Variants in SPIDR observed in about 807,000 individuals in gnomAD.
SPIDR encodes scaffold protein involved in DNA repair.
In SPIDR, 93 loss-of-function variants were observed where a neutral mutation model predicts 104.6. The ratio of observed to expected loss-of-function variants is 0.89; its 90% confidence interval spans 0.75 to 1.06. The LOEUF is 1.06. Ranked by LOEUF, SPIDR falls within the 50% of genes least tolerant of loss-of-function variation. SPIDR has a pLI of 0.00. For synonymous variants in SPIDR, 431 were observed against 416.9 expected, an observed-to-expected ratio of 1.03 and a Z score of -0.41; for missense variants, 1,154 against 1,111.2, an observed-to-expected ratio of 1.04 and a Z score of -0.55.
intron 5 of SPIDR, among the ~76,000 whole-genome samples, chr8:47,304,438 G>A (rs2042777277): frequency 6.6e-6 from 1 of 152,116 alleles, no homozygotes; most frequent in Non-Finnish European, 1.5e-5. Context: ...AGGCCAAGAT[G>A]GGAGGATCAG....
intron 11 of SPIDR, among the ~76,000 whole-genome samples, chr8:47,675,824 A>G (rs1373321838): frequency 6.6e-6 from 1 of 152,208 alleles, no homozygotes; most frequent in African/African-American, 2.4e-5. Context: ...AAAAGAAAAG[A>G]ATATTCATTG....
Position 47,322,493 on chromosome 8 carries a change from C to G in SPIDR, c.525+28463C>G, listed in dbSNP as rs550395150. ...GAACACTTTTACACCGTTGGTGGGA[C>G]TGTAAACTAGTTCAACTATTGTGGA... On this transcript the variant is annotated intron_variant, in intron 5 of 19. Transcript: ENST00000297423. 3.7e-4 allele frequency among the ~76,000 whole-genome samples: 56 copies of G among 152,280 alleles called. 1 individual carries two copies. The highest frequency in any genetic ancestry group is 2.4e-3 in the Admixed American group (37 of 15,298).
intron 11 of SPIDR, among the ~76,000 whole-genome samples, chr8:47,676,484 C>T (rs2076462981): frequency 6.6e-6 from 1 of 151,184 alleles, no homozygotes; most frequent in Non-Finnish European, 1.5e-5. Flanking sequence ...GTGACATCAT[C>T]CATCCATGGC....
Position 47,495,130 on chromosome 8 carries a change from T to A in SPIDR, c.1097+54588T>A, listed in dbSNP as rs528450636. 3.3e-5 allele frequency among the ~76,000 whole-genome samples: 5 copies of A among 152,286 alleles called. No individual in the cohort carries two copies. The South Asian group carries it at 1.0e-3, about 32-fold the overall frequency. On this transcript the variant is annotated intron_variant, in intron 8 of 19. Coordinates refer to ENST00000297423, the MANE Select transcript of SPIDR (RefSeq NM_001080394.4). ...GCATAGACCAAGAATCTGATTGAAA[T>A]AACATGGCAACAATATTGCCACCAA...
intron 5 of SPIDR, among the ~76,000 whole-genome samples, chr8:47,390,438 T>C (rs2060450491): frequency 1.3e-5 from 2 of 151,924 alleles, no homozygotes; most frequent in South Asian, 4.1e-4. Context: ...ATTAATGATC[T>C]ACAGCTGCTG....
At chr8:47,329,636 T>C (rs1554603235) in intron 5 of SPIDR, among the ~76,000 whole-genome samples, 1 of 152,232 alleles carries the variant, frequency 6.6e-6, no homozygotes, top group Admixed American at 6.5e-5. Context: ...ACTATATGGC[T>C]CTACTTTCTC....
At chr8:47,395,008 GT>G (rs2061091235) in intron 5 of SPIDR, among the ~76,000 whole-genome samples, 1 of 152,050 alleles carries the variant, frequency 6.6e-6, no homozygotes, top group Non-Finnish European at 1.5e-5. Context: ...TACCCAAGCA[GT>G]TTTTTTGACG....
intron 8 of SPIDR, among the ~76,000 whole-genome samples, chr8:47,556,186 A>G (rs1422679060): frequency 6.6e-6 from 1 of 152,194 alleles, no homozygotes; most frequent in Admixed American, 6.5e-5. Flanking sequence ...AGTCTCAAGC[A>G]TAGAACCACA....
intron 11 of SPIDR, among the ~76,000 whole-genome samples, chr8:47,688,943 C>T (rs964105299): frequency 1.3e-5 from 2 of 152,144 alleles, no homozygotes; most frequent in African/African-American, 4.8e-5. Flanking sequence ...TCCTGATTAC[C>T]GCTGAGGCTG....
intron 4 of SPIDR, among the ~76,000 whole-genome samples, chr8:47,293,474 T>C (rs973190523): frequency 1.1e-4 from 17 of 152,102 alleles, no homozygotes; most frequent in Non-Finnish European, 2.2e-4. Flanking sequence ...TGAGACAGAG[T>C]CTCGTTCTGT....
At chr8:47,607,805 A>T (rs1273611839) in intron 10 of SPIDR, among the ~76,000 whole-genome samples, 1 of 151,964 alleles carries the variant, frequency 6.6e-6, no homozygotes, top group Non-Finnish European at 1.5e-5. Flanking sequence ...TTACTGTAAG[A>T]ATAAAGACAT....
In SPIDR at chr8:47,551,393, C is replaced by A. The variant is rs1200809682; in HGVS notation, c.1098-44418C>A. ...TGGTGGAATTTGGCTGTGAATCCAT[C>A]TGGTCCTGAACTTTTTTTGGTTGGT... On this transcript the variant is annotated intron_variant, in intron 8 of 19. Coordinates refer to ENST00000297423, the MANE Select transcript of SPIDR (RefSeq NM_001080394.4). Among the ~76,000 whole-genome samples, 11 of 152,274 alleles carry A rather than the reference C, an allele frequency of 7.2e-5. No homozygotes were observed. In the East Asian group the frequency reaches 2.1e-3, roughly 29 times the overall value.
At chr8:47,679,651 C>G (rs2154474873) in intron 11 of SPIDR, among the ~76,000 whole-genome samples, 1 of 152,350 alleles carries the variant, frequency 6.6e-6, no homozygotes, top group East Asian at 1.9e-4. Flanking sequence ...CAGTGCTGGC[C>G]TGTGCCATGT....
intron 5 of SPIDR, among the ~76,000 whole-genome samples, chr8:47,319,740 A>G (rs1563598983): frequency 6.6e-6 from 1 of 152,208 alleles, no homozygotes; most frequent in Admixed American, 6.5e-5. Context: ...AATTATAACA[A>G]ACTGTCTCTC....
intron 5 of SPIDR, among the ~76,000 whole-genome samples, chr8:47,307,887 A>G (rs2043379262): frequency 6.6e-6 from 1 of 151,974 alleles, no homozygotes. Flanking sequence ...CTTTCTCTGG[A>G]AGGTCTGCCA....
chr8:47,722,401 T>C (rs371578621), intron 16 of SPIDR, among the ~76,000 whole-genome samples: 1 of 152,244 alleles, frequency 6.6e-6, no homozygotes, highest in African/African-American at 2.4e-5. Flanking sequence ...CAGTACCATG[T>C]AGAATAGCAG....
chr8:47,303,777 G>T (rs2042652047), intron 5 of SPIDR, among the ~76,000 whole-genome samples: 1 of 152,028 alleles, frequency 6.6e-6, no homozygotes, highest in African/African-American at 2.4e-5. Flanking sequence ...GGTGATTTTT[G>T]CATCCTTGTT....
chr8:47,317,370 G>C (rs2045576506), intron 5 of SPIDR, among the ~76,000 whole-genome samples: 2 of 152,152 alleles, frequency 1.3e-5, no homozygotes, highest in South Asian at 4.1e-4. Flanking sequence ...ACAGCAGTCT[G>C]AGATCAAACT....
intron 11 of SPIDR, among the ~76,000 whole-genome samples, chr8:47,690,775 C>T (rs1005550369): frequency 1.3e-5 from 2 of 152,208 alleles, no homozygotes; most frequent in South Asian, 4.1e-4. Flanking sequence ...GCCAAGATCG[C>T]ACCATTGCAC....
Sources: allele counts gnomAD v4.1 joint callset (sites outside exome capture counted in the v4.1 genomes callset), GRCh38; gene constraint gnomAD v4.1.1; transcripts MANE v1.5; gene names NCBI Gene and HGNC (gene_info 2026-07-23, HGNC 2026-07-21).